The following ZFP91 variants were observed in gnomAD, a reference collection of about 807,000 sequenced individuals.
ZFP91 encodes the protein ZFP91 zinc finger protein, atypical E3 ubiquitin ligase.
A neutral mutation model predicts 63.5 loss-of-function variants in ZFP91; 7 were observed. The observed-to-expected ratio is 0.11, with a 90% CI of 0.06 to 0.21. The LOEUF (loss-of-function observed/expected upper bound fraction) is 0.21, where lower values mean the gene tolerates loss of function less well. Among genes scored for constraint, ZFP91 ranks in the 10% least tolerant of loss-of-function variants. The probability of loss-of-function intolerance (pLI) is 1.00; values close to 1 mark genes in which losing one functional copy is unlikely to be tolerated. For missense variants in ZFP91, 628 were observed against 736.6 expected (o/e 0.85, Z 1.71); for synonymous variants, 330 against 272.1 (o/e 1.21, Z -2.10).
In ZFP91 at chr11:58,579,250, A is replaced by C; in HGVS notation, c.-32A>C. 7.3e-7 allele frequency: 1 copy of C among 1,367,038 alleles called. No individual in the cohort carries two copies. 84.7% of individuals were successfully genotyped at this position (1,367,038 alleles called of 1,614,324 possible). A position where few individuals can be genotyped will look rare whatever the true frequency, so the allele number is the denominator to read the frequency against. ...GCCGCCGCCTCCGCCTCCGCCGCCT[A>C]GGACTAGGGGGTGGGGGACGGACAA... On this transcript the variant is annotated 5_prime_UTR_variant, in exon 1 of 11. Transcript: ENST00000316059.
intron 5 of ZFP91, 89 bp downstream of exon 5, chr11:58,611,143 A>G (rs762623323): frequency 1.8e-6 from 2 of 1,133,256 alleles, no homozygotes; most frequent in South Asian, 2.8e-5. Flanking sequence ...TTGCCAAGCT[A>G]ATGGGTATAG....
At chr11:58,599,887 C>A (rs184142097) in intron 2 of ZFP91, among the ~76,000 whole-genome samples, 3 of 152,070 alleles carry the variant, frequency 2.0e-5, no homozygotes, top group Admixed American at 2.0e-4. Context: ...AGGAATACAA[C>A]GTCATTTTTT....
At chr11:58,587,761 T>C (rs576634562) in intron 2 of ZFP91, among the ~76,000 whole-genome samples, 1 of 152,320 alleles carries the variant, frequency 6.6e-6, no homozygotes, top group Admixed American at 6.5e-5. Context: ...AACCTCTGAC[T>C]AGACATGTTA....
At position 58,579,367 on chromosome 11, in the gene ZFP91, C is replaced by T. The variant is rs1162894027; in HGVS notation, c.86C>T (p.Pro29Leu). ...GCGGCCAAGGCGGCTCCGGAGGAGC[C>T]CCAACAACGGCCCCCTGAGGCGGTC... ...GEAAKAAPEEPQQRPPEAVAA... is the reference protein window; with the variant it reads ...GEAAKAAPEELQQRPPEAVAA... The change falls in exon 1 of 11, where the codon CCC becomes CTC. Residue 29 changes from proline to leucine, a missense_variant. Pro to Leu is a moderately conservative substitution (Grantham distance 98). Coordinates refer to ENST00000316059, the MANE Select transcript of ZFP91 (RefSeq NM_053023.5). 3 of 1,492,250 alleles carry T rather than the reference C, an allele frequency of 2.0e-6. No individual in the cohort carries two copies. Among genetic ancestry groups the T allele is most frequent in the Admixed American group, 4.7e-5 (2 of 42,868 alleles). 92.4% of individuals were successfully genotyped at this position (1,492,250 alleles called of 1,614,324 possible).
chr11:58,589,543 T>G lies in ZFP91; in HGVS notation c.370+4659T>G, dbSNP rs183491410. Among the ~76,000 whole-genome samples, 3 of 152,314 alleles carry G rather than the reference T, an allele frequency of 2.0e-5. No individual in the cohort carries two copies. The East Asian group carries it at 5.8e-4, about 29-fold the overall frequency. On this transcript the variant is annotated intron_variant, in intron 2 of 10. Transcript: ENST00000316059. ...TTATTTATGGAAAACAAAGTGCAGC[T>G]AGTGATAGAAATACACAGAGTAGTT...
intron 2 of ZFP91, among the ~76,000 whole-genome samples, chr11:58,598,377 A>G (rs1020402684): frequency 1.3e-5 from 2 of 152,096 alleles, no homozygotes. Context: ...AATTGTCACA[A>G]ATCTCCAAAA....
At chr11:58,600,813 T>G (rs527783638) in intron 2 of ZFP91, among the ~76,000 whole-genome samples, 50 of 152,288 alleles carry the variant, frequency 3.3e-4, no homozygotes, top group African/African-American at 1.1e-3. Flanking sequence ...CTTTGTCAAG[T>G]TGAGGAAGTT....
Position 58,612,325 on chromosome 11 carries a change from G to A in ZFP91, c.905G>A (p.Arg302Lys), listed in dbSNP as rs201852935. The change falls in exon 7 of 11, where the codon AGG (arginine) becomes AAG (lysine). Residue 302 changes from arginine to lysine, a missense_variant. Transcript: ENST00000316059. ...KDDKSPRLPK[R>K]RKKPPIQYVR... Reference sequence around the variant, plus strand: ...GACAAAAGTCCACGTTTACCCAAAAGGAGGTGAGGAATTTTTACCCCTACT... The same window carrying A: ...GACAAAAGTCCACGTTTACCCAAAAAGAGGTGAGGAATTTTTACCCCTACT... 3 of 1,613,582 alleles carry A rather than the reference G, an allele frequency of 1.9e-6. No individual in the cohort carries two copies. In the East Asian group the frequency reaches 6.7e-5, roughly 36 times the overall value.
chr11:58,580,808 G>T (rs184138866), intron 1 of ZFP91, among the ~76,000 whole-genome samples: 2 of 152,312 alleles, frequency 1.3e-5, no homozygotes, highest in East Asian at 1.9e-4. Flanking sequence ...ATAATTTAGA[G>T]AATTTGTTGT....
intron 2 of ZFP91, among the ~76,000 whole-genome samples, chr11:58,599,633 A>G (rs1855461067): frequency 6.6e-6 from 1 of 151,904 alleles, no homozygotes; most frequent in Admixed American, 6.6e-5. Flanking sequence ...GGCCTTTTGT[A>G]TATCTCTGGA....
At chr11:58,587,413 C>T (rs1290435265) in intron 2 of ZFP91, among the ~76,000 whole-genome samples, 1 of 152,058 alleles carries the variant, frequency 6.6e-6, no homozygotes, top group African/African-American at 2.4e-5. Context: ...AAGGGAAGAC[C>T]TTTTGGTGGA....
Position 58,579,191 on chromosome 11 carries a change from C to G in ZFP91, c.-91C>G. On this transcript the variant is annotated 5_prime_UTR_variant, in exon 1 of 11. Transcript: ENST00000316059. ...CAGGGTGAGAGTGAGCCGCAGGCTT[C>G]GGGAGGCGAGGGGGCGGGGGGAGCA... 9.7e-7 allele frequency: 1 copy of G among 1,026,002 alleles called. No individual in the cohort carries two copies. Among genetic ancestry groups the G allele is most frequent in the East Asian group, 3.6e-5 (1 of 27,402 alleles). The allele number at this position is 1,026,002 out of a possible 1,614,324, so 63.6% of individuals were successfully genotyped here.
At chr11:58,609,261 T>A (rs530204809) in intron 2 of ZFP91, among the ~76,000 whole-genome samples, 1 of 152,204 alleles carries the variant, frequency 6.6e-6, no homozygotes, top group Non-Finnish European at 1.5e-5. Context: ...CAATGTCTTA[T>A]AGGACAACTG....
chr11:58,604,064 A>C (rs961477189), intron 2 of ZFP91, among the ~76,000 whole-genome samples: 1 of 152,204 alleles, frequency 6.6e-6, no homozygotes. Flanking sequence ...TGTATTTTGC[A>C]CATTGGAAGG....
chr11:58,607,753 C>CT lies in ZFP91; in HGVS notation c.371-2071dup, dbSNP rs1448331127. Among the ~76,000 whole-genome samples the CT allele has an allele frequency of 9.9e-5, 15 of 152,056 alleles. No individual in the cohort carries two copies. In the East Asian group the frequency reaches 2.9e-3, roughly 29 times the overall value. ...CCATACTGTATATATAGTTTTGTGT[C>CT]TTTTTTATACATTTAACAATATTTT... On this transcript the variant is annotated intron_variant, in intron 2 of 10. Transcript: ENST00000316059.
At chr11:58,604,528 C>A (rs1395046454) in intron 2 of ZFP91, among the ~76,000 whole-genome samples, 1 of 152,120 alleles carries the variant, frequency 6.6e-6, no homozygotes, top group African/African-American at 2.4e-5. Flanking sequence ...GGTAGAGCAG[C>A]CCTGGTAGAC....
chr11:58,581,135 C>T (rs1199304388), intron 1 of ZFP91, among the ~76,000 whole-genome samples: 1 of 152,016 alleles, frequency 6.6e-6, no homozygotes, highest in Admixed American at 6.6e-5. Flanking sequence ...GTACAAGTTG[C>T]GTTTTTCAGT....
chr11:58,611,746 G>C lies in ZFP91; in HGVS notation c.857+8G>C. 1 of 1,584,412 alleles carries C rather than the reference G, an allele frequency of 6.3e-7. No individual in the cohort carries two copies. The highest frequency in any genetic ancestry group is 8.6e-7 in the Non-Finnish European group (1 of 1,167,402). On this transcript the variant is annotated splice_region_variant and intron_variant, in intron 6 of 10. Coordinates refer to ENST00000316059, the MANE Select transcript of ZFP91 (RefSeq NM_053023.5). The stretch of plus-strand genomic sequence containing the variant: ...TGAGGAACCTCCAAGGAAGTGAGTA[G>C]GCAATTATTAAAAATGAAAATCTAA...
intron 2 of ZFP91, among the ~76,000 whole-genome samples, chr11:58,599,389 A>G (rs1855457665): frequency 6.6e-6 from 1 of 151,954 alleles, no homozygotes; most frequent in Non-Finnish European, 1.5e-5. Context: ...TTTTCTTAAC[A>G]CTGTTTTCTT....
Sources: allele counts gnomAD v4.1 joint callset (sites outside exome capture counted in the v4.1 genomes callset), GRCh38; gene constraint gnomAD v4.1.1; transcripts MANE v1.5; gene names NCBI Gene and HGNC (gene_info 2026-07-23, HGNC 2026-07-21).